Variants in CCSER1 observed in about 807,000 individuals in gnomAD.
The protein encoded by CCSER1 is serine-rich coiled-coil domain-containing protein 1.
CCSER1 carries 41 observed loss-of-function variants against 82.0 expected under a neutral mutation model. That is an observed-to-expected ratio of 0.50 (90% CI 0.39 to 0.65). The LOEUF (loss-of-function observed/expected upper bound fraction) is 0.65. CCSER1 is among the 30% of genes least tolerant of loss of function. The pLI, the probability that CCSER1 is intolerant of heterozygous loss-of-function variation, is 0.00. For missense variants in CCSER1, 1,119 were observed against 1,064.2 expected, an observed-to-expected ratio of 1.05 and a Z score of -0.72; for synonymous variants, 414 against 383.9, an observed-to-expected ratio of 1.08 and a Z score of -0.92.
intron 1 of CCSER1, among the ~76,000 whole-genome samples, chr4:90,142,552 C>T (rs12650934): frequency 0.18 from 27,454 of 151,960 alleles, 2,687 homozygotes; most frequent in East Asian, 0.4. Context: ...CAAATAACTA[C>T]AGCTGAATGC....
At chr4:91,117,325 A>G (rs889825709) in intron 10 of CCSER1, among the ~76,000 whole-genome samples, 1 of 152,234 alleles carries the variant, frequency 6.6e-6, no homozygotes, top group Non-Finnish European at 1.5e-5. Context: ...CCAGTCTGCC[A>G]GGGTTCAAAT....
At chr4:90,598,973 A>G (rs1783708237) in intron 5 of CCSER1, among the ~76,000 whole-genome samples, 2 of 152,150 alleles carry the variant, frequency 1.3e-5, no homozygotes, top group South Asian at 4.1e-4. Context: ...TTAGAACATA[A>G]TGCACTCTAG....
At chr4:90,371,213 A>G (rs1196636912) in intron 3 of CCSER1, among the ~76,000 whole-genome samples, 2 of 152,150 alleles carry the variant, frequency 1.3e-5, no homozygotes, top group African/African-American at 4.8e-5. Context: ...TCCTTAAAAT[A>G]TTTCTGCTTC....
At chr4:90,395,812 G>T (rs538600533) in intron 3 of CCSER1, among the ~76,000 whole-genome samples, 1 of 151,516 alleles carries the variant, frequency 6.6e-6, no homozygotes, top group Non-Finnish European at 1.5e-5. Context: ...AAACCTTCAT[G>T]CCTGTAATCC....
chr4:90,401,327 A>G (rs1752846713), intron 4 of CCSER1, among the ~76,000 whole-genome samples: 1 of 152,228 alleles, frequency 6.6e-6, no homozygotes, highest in Admixed American at 6.5e-5. Context: ...TAGATATCTA[A>G]TTCTATGATA....
chr4:90,266,469 A>G (rs1442528049), intron 1 of CCSER1, among the ~76,000 whole-genome samples: 4 of 151,884 alleles, frequency 2.6e-5, no homozygotes, highest in Non-Finnish European at 5.9e-5. Flanking sequence ...ACCTCCACTG[A>G]CTTGTCTACA....
intron 5 of CCSER1, among the ~76,000 whole-genome samples, chr4:90,546,493 A>T (rs17017142): frequency 1.3e-5 from 2 of 151,926 alleles, no homozygotes; most frequent in Non-Finnish European, 1.5e-5. Flanking sequence ...TTAATTGTTT[A>T]TTTTCCTAGA....
chr4:90,966,654 T>G (rs757871248), intron 9 of CCSER1, among the ~76,000 whole-genome samples: 1 of 152,140 alleles, frequency 6.6e-6, no homozygotes, highest in Non-Finnish European at 1.5e-5. Flanking sequence ...GTGGAAGGGA[T>G]AAAGAGCAAC....
intron 6 of CCSER1, among the ~76,000 whole-genome samples, chr4:90,696,070 T>C (rs2149255927): frequency 6.6e-6 from 1 of 152,296 alleles, no homozygotes; most frequent in Non-Finnish European, 1.5e-5. Flanking sequence ...ATAAATCTGA[T>C]ACCAACTATC....
intron 1 of CCSER1, among the ~76,000 whole-genome samples, chr4:90,285,473 T>C (rs962710733): frequency 2.6e-5 from 4 of 152,066 alleles, no homozygotes; most frequent in Non-Finnish European, 5.9e-5. Flanking sequence ...ATGGTACTGA[T>C]TTTTGTATGT....
At chr4:90,211,852 C>G (rs1190429140) in intron 1 of CCSER1, among the ~76,000 whole-genome samples, 1 of 152,058 alleles carries the variant, frequency 6.6e-6, no homozygotes, top group Non-Finnish European at 1.5e-5. Flanking sequence ...TTCTTGAGCA[C>G]ATCTGTAGGC....
rs185618215 is a variant in CCSER1, at chr4:90,587,393, C to T, written c.1725-40632C>T. ...TTGGGAGGCCGAGGTGGGCAGATCA[C>T]GAGGTCAAGAGATCGAGTCCAATCA... On this transcript the variant is annotated intron_variant, in intron 5 of 10. Transcript: ENST00000509176. Among the ~76,000 whole-genome samples the T allele has an allele frequency of 2.2e-3, 337 of 152,244 alleles. 1 individual carries two copies. The highest frequency in any genetic ancestry group is 7.8e-3 in the African/African-American group (326 of 41,568).
intron 7 of CCSER1, among the ~76,000 whole-genome samples, chr4:90,732,024 G>A (rs947890672): frequency 1.2e-5 from 1 of 84,086 alleles, no homozygotes; most frequent in East Asian, 3.1e-4. Context: ...TACCTATTGG[G>A]ATTTCTCTCT....
chr4:91,425,561 T>A (rs558777730), intron 10 of CCSER1, among the ~76,000 whole-genome samples: 24 of 152,180 alleles, frequency 1.6e-4, no homozygotes, highest in Non-Finnish European at 2.4e-4. Context: ...AATTGACAAG[T>A]AATTGATAAG....
intron 5 of CCSER1, among the ~76,000 whole-genome samples, chr4:90,592,657 C>T (rs1782853766): frequency 6.6e-6 from 1 of 152,142 alleles, no homozygotes; most frequent in Non-Finnish European, 1.5e-5. Context: ...TGCCTAATTA[C>T]TTGCCCCATA....
intron 10 of CCSER1, among the ~76,000 whole-genome samples, chr4:91,359,620 A>C (rs1749111672): frequency 6.6e-6 from 1 of 151,672 alleles, no homozygotes; most frequent in Admixed American, 6.6e-5. Flanking sequence ...AGCGATTAGT[A>C]TCTCAGATCT....
chr4:91,182,576 T>C (rs1734143991), intron 10 of CCSER1, among the ~76,000 whole-genome samples: 1 of 152,364 alleles, frequency 6.6e-6, no homozygotes, highest in Non-Finnish European at 1.5e-5. Context: ...CCTTGAGAAT[T>C]GTATGGGATA....
intron 5 of CCSER1, among the ~76,000 whole-genome samples, chr4:90,502,454 A>T (rs1297461747): frequency 6.6e-6 from 1 of 152,156 alleles, no homozygotes; most frequent in East Asian, 1.9e-4. Flanking sequence ...TCAATTCAAC[A>T]TGAGATTTGT....
chr4:91,474,385 A>G (rs1387625523), intron 10 of CCSER1, among the ~76,000 whole-genome samples: 1 of 151,888 alleles, frequency 6.6e-6, no homozygotes, highest in East Asian at 1.9e-4. Flanking sequence ...ATATAATTAC[A>G]TATATAATCA....
Sources: gnomAD v4.1 joint callset for allele counts (sites outside exome capture counted in the v4.1 genomes callset) on GRCh38, gnomAD v4.1.1 for gene constraint, MANE v1.5 for transcripts, NCBI Gene and HGNC (gene_info 2026-07-23, HGNC 2026-07-21) for gene names.